DSCAM: variants seen among roughly 807,000 people sequenced by gnomAD.
DSCAM encodes the protein DS cell adhesion molecule.
In DSCAM, 47 loss-of-function variants were observed where a neutral mutation model predicts 217.7. That is an observed-to-expected ratio of 0.22 (90% confidence interval 0.17 to 0.28). The LOEUF is 0.28. Ranked by LOEUF, DSCAM falls within the 10% of genes least tolerant of loss-of-function variation. The pLI, the probability that DSCAM is intolerant of heterozygous loss-of-function variation, is 1.00. For missense variants in DSCAM, 2,080 were observed against 2,618.3 expected (o/e 0.79, Z 4.49); for synonymous variants, 1,056 against 1,015.3 (o/e 1.04, Z -0.76).
intron 3 of DSCAM, among the ~76,000 whole-genome samples, chr21:40,664,498 G>A (rs1212006714): frequency 6.6e-6 from 1 of 152,150 alleles, no homozygotes; most frequent in African/African-American, 2.4e-5. Context: ...AGCACCCCAG[G>A]GAAAGTGATC....
intron 3 of DSCAM, among the ~76,000 whole-genome samples, chr21:40,564,833 C>T (rs897275536): frequency 1.3e-5 from 2 of 151,966 alleles, no homozygotes; most frequent in Middle Eastern, 3.2e-3. Flanking sequence ...ATTTTAATAC[C>T]TAATTAGGGT....
chr21:40,376,072 T>C (rs2074946899), intron 3 of DSCAM, among the ~76,000 whole-genome samples: 1 of 152,182 alleles, frequency 6.6e-6, no homozygotes, highest in Non-Finnish European at 1.5e-5. Flanking sequence ...CTTAGAGAAA[T>C]ATATCTTAGA....
At chr21:40,778,053 T>C (rs1177200559) in intron 1 of DSCAM, among the ~76,000 whole-genome samples, 1 of 152,154 alleles carries the variant, frequency 6.6e-6, no homozygotes, top group Non-Finnish European at 1.5e-5. Flanking sequence ...CCAAATACTC[T>C]TTTATGAAAA....
intron 3 of DSCAM, among the ~76,000 whole-genome samples, chr21:40,499,169 G>A (rs1373399170): frequency 6.6e-6 from 1 of 152,050 alleles, no homozygotes; most frequent in African/African-American, 2.4e-5. Context: ...ATGAATACTT[G>A]CAGACTATAA....
In DSCAM at chr21:40,044,131, C is replaced by G. The variant is rs1341507943; in HGVS notation, c.5330G>C (p.Gly1777Ala). 1.2e-6 allele frequency: 2 copies of G among 1,614,028 alleles called. No individual in the cohort carries two copies. The highest frequency in any genetic ancestry group is 2.7e-5 in the African/African-American group (2 of 74,930). Residue 1777 changes from glycine (G) to alanine (A), a missense_variant, in exon 31 of 33, where the codon GGA becomes GCA. By Grantham distance (60) the Gly-to-Ala change is moderately conservative. Coordinates refer to ENST00000400454, the MANE Select transcript of DSCAM (RefSeq NM_001389.5). ...DWRLPTPRAAGSVDKESDSYS... is the reference protein window; with the variant it reads ...DWRLPTPRAAASVDKESDSYS... ...ACTGTCGCTCTCTTTGTCTACTGATCCTGCAGCCCTGGGTGTTGGCAGCCT... is the reference window on the plus strand; with the variant it reads ...ACTGTCGCTCTCTTTGTCTACTGATGCTGCAGCCCTGGGTGTTGGCAGCCT...
At chr21:40,394,283 C>G (rs1235784290) in intron 3 of DSCAM, among the ~76,000 whole-genome samples, 1 of 152,174 alleles carries the variant, frequency 6.6e-6, no homozygotes, top group East Asian at 1.9e-4. Context: ...TTCCCCTAAC[C>G]CTTTTTATTA....
At chr21:40,055,635 T>C in intron 29 of DSCAM, 90 bp downstream of exon 29, 1 of 930,606 alleles carries the variant, frequency 1.1e-6, no homozygotes, top group Non-Finnish European at 1.7e-6. Context: ...GACGCTCTCC[T>C]GTCTAATATT....
intron 3 of DSCAM, among the ~76,000 whole-genome samples, chr21:40,484,907 C>A (rs1297668025): frequency 6.6e-6 from 1 of 152,178 alleles, no homozygotes; most frequent in Non-Finnish European, 1.5e-5. Flanking sequence ...TTTGGTGACG[C>A]CAACAGTCCC....
intron 3 of DSCAM, among the ~76,000 whole-genome samples, chr21:40,502,882 T>C (rs148131627): frequency 6.6e-6 from 1 of 152,270 alleles, no homozygotes; most frequent in East Asian, 1.9e-4. Flanking sequence ...AATAATTTGC[T>C]AAATGATTTC....
chr21:40,739,924 G>A (rs1002100001), intron 1 of DSCAM, among the ~76,000 whole-genome samples: 1 of 146,626 alleles, frequency 6.8e-6, no homozygotes, highest in South Asian at 2.2e-4. Context: ...TGTCCATTGG[G>A]AAAGGCCACC....
At chr21:40,355,003 T>C (rs1247425701) in intron 4 of DSCAM, among the ~76,000 whole-genome samples, 1 of 152,186 alleles carries the variant, frequency 6.6e-6, no homozygotes, top group Non-Finnish European at 1.5e-5. Flanking sequence ...TCCCTCAGTG[T>C]AGACCAGCAC....
intron 3 of DSCAM, among the ~76,000 whole-genome samples, chr21:40,460,133 T>C (rs1048266368): frequency 4.6e-5 from 7 of 152,158 alleles, no homozygotes; most frequent in African/African-American, 7.2e-5. Context: ...GTTGGTGGCA[T>C]TGGGGAAAGG....
intron 3 of DSCAM, among the ~76,000 whole-genome samples, chr21:40,631,983 T>C (rs567159292): frequency 2.6e-5 from 4 of 152,226 alleles, no homozygotes; most frequent in Non-Finnish European, 5.9e-5. Flanking sequence ...TCTGACAAAG[T>C]CTGCCTCCCT....
chr21:40,106,309 T>C (rs1017106280), intron 20 of DSCAM, among the ~76,000 whole-genome samples: 7 of 152,182 alleles, frequency 4.6e-5, no homozygotes, highest in African/African-American at 1.4e-4. Context: ...CAAGAAGAGA[T>C]TTGAGTGGAG....
At position 40,522,363 on chromosome 21, in the gene DSCAM, A is replaced by C. The variant is rs2076365957; in HGVS notation, c.509-153118T>G. Among the ~76,000 whole-genome samples the C allele has an allele frequency of 3.3e-5, 5 of 152,246 alleles. No homozygotes were observed. In the South Asian group the frequency reaches 1.0e-3, roughly 31 times the overall value. On this transcript the variant is annotated intron_variant, in intron 3 of 32. Coordinates refer to ENST00000400454, the MANE Select transcript of DSCAM (RefSeq NM_001389.5). ...GCAAAGCAATTCGTTCCACTTGATT[A>C]TAGTTCATTTTGCTCAACAGGAAAG...
chr21:40,490,631 A>T (rs139244766), intron 3 of DSCAM, among the ~76,000 whole-genome samples: 52 of 152,266 alleles, frequency 3.4e-4, no homozygotes, highest in Middle Eastern at 6.8e-3. Flanking sequence ...CGTCACAAAG[A>T]GGTTGTCTAG....
At chr21:40,243,572 G>T (rs1026852311) in intron 11 of DSCAM, among the ~76,000 whole-genome samples, 4 of 152,154 alleles carry the variant, frequency 2.6e-5, no homozygotes, top group African/African-American at 4.8e-5. Flanking sequence ...AAAAGCATCG[G>T]TTTTTTCTGA....
At chr21:40,293,709 C>G (rs1294540890) in intron 10 of DSCAM, among the ~76,000 whole-genome samples, 1 of 152,050 alleles carries the variant, frequency 6.6e-6, no homozygotes, top group African/African-American at 2.4e-5. Context: ...GTAATCCCAG[C>G]TACTACTTGG....
At chr21:40,553,486 GCCCTGCAAGAAGGCCCCT>G (rs1485241764) in intron 3 of DSCAM, among the ~76,000 whole-genome samples, 1 of 152,184 alleles carries the variant, frequency 6.6e-6, no homozygotes, top group Non-Finnish European at 1.5e-5. Flanking sequence ...ACATCCCAAG[GCCCTGCAAGAAGGCCCCT>G]GCATTACAAT....
Sources: allele counts gnomAD v4.1 joint callset (sites outside exome capture counted in the v4.1 genomes callset), GRCh38; gene constraint gnomAD v4.1.1; transcripts MANE v1.5; gene names NCBI Gene and HGNC (gene_info 2026-07-23, HGNC 2026-07-21).